Variants in DAB1 observed in about 807,000 individuals in gnomAD.
DAB1 encodes the protein DAB adaptor protein 1, also known as disabled homolog 1.
In DAB1, 15 loss-of-function variants were observed where a neutral mutation model predicts 64.6. The observed-to-expected ratio is 0.23, with a 90% CI of 0.16 to 0.36. The LOEUF (loss-of-function observed/expected upper bound fraction) is 0.36. DAB1 is among the 10% of genes least tolerant of loss of function. The pLI, the probability that DAB1 is intolerant of heterozygous loss-of-function variation, is 1.00. For synonymous variants in DAB1, 235 were observed against 251.9 expected, an observed-to-expected ratio of 0.93 and a Z score of 0.64; for missense variants, 596 against 706.7, an observed-to-expected ratio of 0.84 and a Z score of 1.78.
At chr1:57,528,659 C>CAT (rs1644623354) in intron 7 of DAB1, among the ~76,000 whole-genome samples, 1 of 151,576 alleles carries the variant, frequency 6.6e-6, no homozygotes, top group Non-Finnish European at 1.5e-5. Context: ...CACACACACA[C>CAT]ACACACACAC....
chr1:57,217,823 C>T (rs1052390774), intron 2 of DAB1, among the ~76,000 whole-genome samples: 3 of 152,046 alleles, frequency 2.0e-5, no homozygotes, highest in Admixed American at 6.5e-5. Context: ...TCTGATCACA[C>T]CTACCAATCC....
intron 5 of DAB1, among the ~76,000 whole-genome samples, chr1:58,007,445 C>T (rs2100420541): frequency 6.6e-6 from 1 of 152,294 alleles, no homozygotes; most frequent in African/African-American, 2.4e-5. Context: ...CCCACTTTAA[C>T]AGCCACAGAT....
intron 5 of DAB1, among the ~76,000 whole-genome samples, chr1:58,046,874 T>G (rs908028662): frequency 6.6e-6 from 1 of 152,176 alleles, no homozygotes; most frequent in African/African-American, 2.4e-5. Context: ...TACCTACAAT[T>G]TCTGGGCCAC....
At chr1:57,217,744 C>T (rs197597) in intron 2 of DAB1, among the ~76,000 whole-genome samples, 72,983 of 151,786 alleles carry the variant, frequency 0.48, 18,526 homozygotes, top group African/African-American at 0.64. Flanking sequence ...GACACTGTCT[C>T]ATTCAGGGAT....
chr1:58,343,520 A>G (rs1169416664), intron 3 of DAB1: 1 of 152,240 alleles, frequency 6.6e-6, no homozygotes, highest in Admixed American at 6.5e-5. Flanking sequence ...AAGGGACACT[A>G]TAGAGAAAGT....
At chr1:58,106,551 A>G (rs1431243489) in intron 5 of DAB1, among the ~76,000 whole-genome samples, 1 of 152,206 alleles carries the variant, frequency 6.6e-6, no homozygotes, top group Non-Finnish European at 1.5e-5. Flanking sequence ...TTTTAAAATC[A>G]GACACTGAAG....
chr1:57,315,671 T>C (rs1675133533), intron 1 of DAB1, among the ~76,000 whole-genome samples: 3 of 152,098 alleles, frequency 2.0e-5, no homozygotes, highest in Admixed American at 6.5e-5. Flanking sequence ...CCCAGCTAAT[T>C]TTTTGTACTT....
chr1:58,066,328 T>C (rs1346041717), intron 5 of DAB1, among the ~76,000 whole-genome samples: 2 of 152,166 alleles, frequency 1.3e-5, no homozygotes, highest in East Asian at 3.9e-4. Context: ...TTATTCAGCA[T>C]GGCCTGTGGT....
chr1:57,097,487 A>G (rs1654268463), intron 4 of DAB1, among the ~76,000 whole-genome samples: 1 of 152,184 alleles, frequency 6.6e-6, no homozygotes, highest in African/African-American at 2.4e-5. Flanking sequence ...TATGTCACTT[A>G]GGTTATAATC....
At chr1:58,211,468 A>C (rs765384053) in intron 4 of DAB1, among the ~76,000 whole-genome samples, 2 of 152,210 alleles carry the variant, frequency 1.3e-5, no homozygotes, top group East Asian at 3.9e-4. Flanking sequence ...TGAGTTGTGC[A>C]ATGATTTTTA....
chr1:57,813,985 T>C (rs543704215), intron 6 of DAB1, among the ~76,000 whole-genome samples: 2 of 152,228 alleles, frequency 1.3e-5, no homozygotes, highest in African/African-American at 2.4e-5. Flanking sequence ...ACTTTCTTAG[T>C]GAACTTTTTG....
chr1:57,813,257 C>A (rs2101887085), intron 6 of DAB1, among the ~76,000 whole-genome samples: 2 of 152,180 alleles, frequency 1.3e-5, no homozygotes, highest in Admixed American at 1.3e-4. Context: ...AAAGGAATGG[C>A]AAAATGATAA....
chr1:57,910,659 C>A (rs1211053787), intron 5 of DAB1, among the ~76,000 whole-genome samples: 1 of 152,182 alleles, frequency 6.6e-6, no homozygotes. Flanking sequence ...CACTGGACTT[C>A]CAGGGTCAGC....
chr1:58,024,045 A>C (rs1176309130), intron 5 of DAB1, among the ~76,000 whole-genome samples: 1 of 152,084 alleles, frequency 6.6e-6, no homozygotes. Context: ...TTTTTTATTA[A>C]TTTGTTTGTC....
chr1:58,188,434 G>A (rs1236822633), intron 4 of DAB1, among the ~76,000 whole-genome samples: 1 of 152,138 alleles, frequency 6.6e-6, no homozygotes, highest in Non-Finnish European at 1.5e-5. Context: ...TCCCCTAAGA[G>A]AAGTGACTGG....
At chr1:58,069,944 C>T (rs896838775) in intron 5 of DAB1, among the ~76,000 whole-genome samples, 2 of 152,326 alleles carry the variant, frequency 1.3e-5, no homozygotes, top group African/African-American at 4.8e-5. Flanking sequence ...AAAGCTGCTG[C>T]CCTTGCCCAC....
chr1:57,920,601 G>C (rs12737910), intron 5 of DAB1, among the ~76,000 whole-genome samples: 235 of 152,228 alleles, frequency 1.5e-3, no homozygotes, highest in Non-Finnish European at 2.6e-3. Flanking sequence ...TCATCTCGGA[G>C]ACTTAGGTTC....
At chr1:58,307,473 A>G (rs1239266282) in intron 4 of DAB1, among the ~76,000 whole-genome samples, 1 of 152,188 alleles carries the variant, frequency 6.6e-6, no homozygotes, top group African/African-American at 2.4e-5. Context: ...ACTGATATCT[A>G]ACTCAGGCTG....
chr1:57,072,238 C>A (rs374420168), intron 5 of DAB1, 45 bp downstream of exon 5: 3 of 1,608,146 alleles, frequency 1.9e-6, no homozygotes, highest in Non-Finnish European at 2.5e-6. Flanking sequence ...GACTGTCCCC[C>A]CAGAGTTCCA....
Sources: allele counts gnomAD v4.1 joint callset (sites outside exome capture counted in the v4.1 genomes callset), GRCh38; gene constraint gnomAD v4.1.1; transcripts MANE v1.5; gene names NCBI Gene and HGNC (gene_info 2026-07-23, HGNC 2026-07-21).